The following MND1 variants were observed in gnomAD, a reference collection of about 807,000 sequenced individuals.
The protein encoded by MND1 is meiotic nuclear divisions 1.
In MND1, 28 loss-of-function variants were observed where a neutral mutation model predicts 35.1. The observed-to-expected ratio is 0.80, with a 90% CI of 0.59 to 1.09. MND1 has a LOEUF of 1.09. MND1 is among the 50% of genes least tolerant of loss of function. The pLI, the probability that MND1 is intolerant of heterozygous loss-of-function variation, is 0.00. For missense variants in MND1, 213 were observed against 239.6 expected, an observed-to-expected ratio of 0.89 and a Z score of 0.73; for synonymous variants, 69 against 70.5, an observed-to-expected ratio of 0.98 and a Z score of 0.11.
chr4:153,393,983 G>A (rs1185203542), intron 4 of MND1, among the ~76,000 whole-genome samples: 1 of 134,404 alleles, frequency 7.4e-6, no homozygotes, highest in African/African-American at 2.9e-5. Flanking sequence ...AGGCTGGAGT[G>A]CAGAGGCGCA....
chr4:153,381,472 G>C lies in MND1; in HGVS notation c.277-12790G>C, dbSNP rs1728679761. On this transcript the variant is annotated intron_variant, in intron 4 of 7. Coordinates refer to ENST00000240488, the MANE Select transcript of MND1 (RefSeq NM_032117.4). ...AAAGATTTATTCTACAAAAAACTGG[G>C]CCTACAATTTTGATGCTGCTACCAG... is the stretch of plus-strand genomic sequence containing the variant. 2.0e-5 allele frequency among the ~76,000 whole-genome samples: 3 copies of C among 150,564 alleles called. No individual in the cohort carries two copies. The South Asian group carries it at 6.3e-4, about 32-fold the overall frequency.
At chr4:153,383,037 C>G (rs1579930840) in intron 4 of MND1, among the ~76,000 whole-genome samples, 1 of 152,160 alleles carries the variant, frequency 6.6e-6, no homozygotes. Flanking sequence ...TTTTGCTGAT[C>G]TTTAGCATCT....
intron 3 of MND1, among the ~76,000 whole-genome samples, chr4:153,357,921 A>G (rs116043856): frequency 0.018 from 2,814 of 152,290 alleles, 101 homozygotes; most frequent in African/African-American, 0.064. Flanking sequence ...AAAGGAAAAG[A>G]TACCATATAG....
At chr4:153,392,109 G>GT (rs35314818) in intron 4 of MND1, among the ~76,000 whole-genome samples, 28,145 of 148,520 alleles carry the variant, frequency 0.19, 2,780 homozygotes, top group African/African-American at 0.25. Flanking sequence ...GGGCAGTTTA[G>GT]TTTTTTTTTT....
At chr4:153,373,840 C>T (rs1014801752) in intron 4 of MND1, among the ~76,000 whole-genome samples, 1 of 152,100 alleles carries the variant, frequency 6.6e-6, no homozygotes, top group Admixed American at 6.5e-5. Context: ...ATAAAATGAC[C>T]CTAATGCCAT....
intron 6 of MND1, 38 bp from the exon 7 acceptor site, chr4:153,408,933 T>C: frequency 1.4e-6 from 1 of 694,810 alleles, no homozygotes; most frequent in South Asian, 4.2e-5. Context: ...TATATATATA[T>C]AAATACATTT....
chr4:153,372,644 A>G (rs1017460974), intron 4 of MND1, among the ~76,000 whole-genome samples: 1 of 152,144 alleles, frequency 6.6e-6, no homozygotes, highest in Admixed American at 6.6e-5. Context: ...TCCCCAGGAA[A>G]CTTGCTTTGC....
intron 7 of MND1, among the ~76,000 whole-genome samples, chr4:153,410,938 C>T (rs578211671): frequency 1.3e-5 from 2 of 152,282 alleles, no homozygotes; most frequent in South Asian, 2.1e-4. Context: ...TTGCAGTGAG[C>T]TGAGATGGTG....
intron 1 of MND1, among the ~76,000 whole-genome samples, chr4:153,349,447 G>A (rs962953689): frequency 9.2e-5 from 14 of 152,108 alleles, no homozygotes; most frequent in Admixed American, 3.9e-4. Context: ...ACTGTCAGCT[G>A]GACAGTCAGC....
intron 7 of MND1, among the ~76,000 whole-genome samples, chr4:153,411,508 A>T (rs1729683793): frequency 1.3e-5 from 2 of 152,186 alleles, no homozygotes; most frequent in East Asian, 1.9e-4. Flanking sequence ...AGAAATGTTT[A>T]ATCAGAGTCT....
intron 4 of MND1, among the ~76,000 whole-genome samples, chr4:153,364,345 A>C (rs768862971): frequency 2.6e-5 from 4 of 151,648 alleles, no homozygotes; most frequent in African/African-American, 4.9e-5. Context: ...GCAAGACTCC[A>C]TCTCTACAAA....
chr4:153,373,790 C>A (rs1728395820), intron 4 of MND1, among the ~76,000 whole-genome samples: 1 of 152,128 alleles, frequency 6.6e-6, no homozygotes, highest in Admixed American at 6.5e-5. Flanking sequence ...AGGTTGATAG[C>A]CCTTGGCATT....
In MND1 at chr4:153,387,672, G is replaced by A. The variant is rs183636225; in HGVS notation, c.277-6590G>A. Among the ~76,000 whole-genome samples the A allele has an allele frequency of 5.6e-3, 845 of 152,026 alleles. 5 individuals carry two copies. The highest frequency in any genetic ancestry group is 0.019 in the African/African-American group (789 of 41,436). ...TCGTAGCTACTCAGGAGGCTGAGGCGGGAAGATTGCTTGAGCCTGGGAGAT... is the reference window on the plus strand; with the variant it reads ...TCGTAGCTACTCAGGAGGCTGAGGCAGGAAGATTGCTTGAGCCTGGGAGAT... On this transcript the variant is annotated intron_variant, in intron 4 of 7. Coordinates refer to ENST00000240488, the MANE Select transcript of MND1 (RefSeq NM_032117.4).
chr4:153,356,209 C>G (rs779197769), intron 3 of MND1, among the ~76,000 whole-genome samples: 8 of 152,012 alleles, frequency 5.3e-5, no homozygotes, highest in Non-Finnish European at 1.2e-4. Flanking sequence ...TTCTACATAT[C>G]TATTATTTTT....
At chr4:153,357,143 T>G (rs1041938137) in intron 3 of MND1, among the ~76,000 whole-genome samples, 2 of 152,208 alleles carry the variant, frequency 1.3e-5, no homozygotes, top group Admixed American at 1.3e-4. Context: ...CATTGATGTA[T>G]TTTTTGTGTG....
chr4:153,366,847 A>G (rs1698512824), intron 4 of MND1, among the ~76,000 whole-genome samples: 1 of 152,188 alleles, frequency 6.6e-6, no homozygotes, highest in Non-Finnish European at 1.5e-5. Flanking sequence ...TTAGTATTAT[A>G]TTTGTTTTAT....
intron 6 of MND1, among the ~76,000 whole-genome samples, chr4:153,398,787 G>C (rs550559662): frequency 6.6e-6 from 1 of 152,212 alleles, no homozygotes; most frequent in Non-Finnish European, 1.5e-5. Flanking sequence ...ACCTTAATCT[G>C]TTGGAAAGTT....
intron 6 of MND1, among the ~76,000 whole-genome samples, chr4:153,407,162 G>A (rs1729535963): frequency 1.3e-5 from 2 of 152,168 alleles, no homozygotes; most frequent in Admixed American, 1.3e-4. Context: ...TGGCTATAAT[G>A]TAAAAATAGA....
intron 7 of MND1, among the ~76,000 whole-genome samples, chr4:153,412,943 T>TA (rs138228617): frequency 0.017 from 2,590 of 152,120 alleles, 51 homozygotes; most frequent in East Asian, 0.076. Flanking sequence ...TAGCTGGGAC[T>TA]ACAGGCGCAC....
Sources: gnomAD v4.1 joint callset for allele counts (sites outside exome capture counted in the v4.1 genomes callset) on GRCh38, gnomAD v4.1.1 for gene constraint, MANE v1.5 for transcripts, NCBI Gene and HGNC (gene_info 2026-07-23, HGNC 2026-07-21) for gene names.